COL19A1: variants seen among roughly 807,000 people sequenced by gnomAD.
COL19A1 encodes the protein collagen type XIX alpha 1 chain, also known as collagen alpha-1(XIX) chain.
A neutral mutation model predicts 190.2 loss-of-function variants in COL19A1; 159 were observed. That is an observed-to-expected ratio of 0.84 (90% CI 0.73 to 0.95). COL19A1 has a LOEUF of 0.95. Ranked by LOEUF, COL19A1 falls within the 40% of genes least tolerant of loss-of-function variation. COL19A1 has a pLI of 0.00. For synonymous variants in COL19A1, 509 were observed against 458.9 expected, an observed-to-expected ratio of 1.11 and a Z score of -1.39; for missense variants, 1,418 against 1,431.9, an observed-to-expected ratio of 0.99 and a Z score of 0.16.
intron 7 of COL19A1, among the ~76,000 whole-genome samples, chr6:69,935,337 G>A (rs1394865873): frequency 1.4e-5 from 2 of 147,086 alleles, no homozygotes; most frequent in African/African-American, 5.4e-5. Context: ...TGAAGCCTGA[G>A]ACATACTTTT....
At chr6:69,997,131 A>G (rs1171295875) in intron 11 of COL19A1, among the ~76,000 whole-genome samples, 3 of 151,976 alleles carry the variant, frequency 2.0e-5, no homozygotes, top group Non-Finnish European at 2.9e-5. Flanking sequence ...GGGGATATCA[A>G]ATAAGCCCAG....
intron 24 of COL19A1, 29 bp from the exon 25 acceptor site, chr6:70,144,887 CAA>C: frequency 7.1e-7 from 1 of 1,406,958 alleles, no homozygotes; most frequent in Non-Finnish European, 9.8e-7. Flanking sequence ...ACCTGAGCAT[CAA>C]AGTAAGAATC....
At chr6:70,109,223 C>T (rs1037847501) in intron 16 of COL19A1, among the ~76,000 whole-genome samples, 1 of 152,082 alleles carries the variant, frequency 6.6e-6, no homozygotes, top group Non-Finnish European at 1.5e-5. Context: ...AGATGTTCTT[C>T]TCATTACCAT....
At chr6:70,043,708 T>C (rs145263776) in intron 14 of COL19A1, among the ~76,000 whole-genome samples, 3 of 152,336 alleles carry the variant, frequency 2.0e-5, no homozygotes, top group African/African-American at 7.2e-5. Context: ...AGTGGGCTTC[T>C]TCAGTAAACC....
chr6:70,124,650 T>C (rs1156802943), intron 17 of COL19A1, among the ~76,000 whole-genome samples: 2 of 152,108 alleles, frequency 1.3e-5, no homozygotes, highest in Admixed American at 1.3e-4. Flanking sequence ...TTAACTCACC[T>C]AAAAGAACCC....
chr6:69,897,731 C>T (rs1372595267), intron 2 of COL19A1, among the ~76,000 whole-genome samples: 2 of 152,004 alleles, frequency 1.3e-5, no homozygotes, highest in African/African-American at 4.8e-5. Flanking sequence ...TACAAAATCT[C>T]TAATAATTTT....
At chr6:70,050,387 A>G (rs1229531894) in intron 14 of COL19A1, among the ~76,000 whole-genome samples, 1 of 152,048 alleles carries the variant, frequency 6.6e-6, no homozygotes, top group Non-Finnish European at 1.5e-5. Flanking sequence ...TCTTAAGAAA[A>G]CTATTAACTA....
Position 70,188,223 on chromosome 6 carries a change from C to T in COL19A1, c.3005C>T (p.Ser1002Phe). Residue 1002 changes from serine to phenylalanine, a missense_variant, in exon 47 of 51, where the codon TCT (serine) becomes TTT (phenylalanine). Transcript: ENST00000620364. ...GSPGHQGPPG[S>F]PGIPGIPADA... ...CCTGGCCACCAAGGCCCTCCAGGCT[C>T]TCCAGGCATCCCTGGCATTCCGGTA... 2 of 1,610,208 alleles carry T rather than the reference C, an allele frequency of 1.2e-6. No individual in the cohort carries two copies. The highest frequency in any genetic ancestry group is 1.7e-6 in the Non-Finnish European group (2 of 1,178,708).
intron 18 of COL19A1, 59 bp from the exon 19 acceptor site, chr6:70,137,626 A>G (rs1785949785): frequency 1.4e-6 from 2 of 1,466,360 alleles, no homozygotes; most frequent in African/African-American, 1.4e-5. Context: ...TGTATCTGAC[A>G]GTCACAATAA....
At chr6:70,073,977 CATT>C (rs1718017596) in intron 15 of COL19A1, among the ~76,000 whole-genome samples, 2 of 152,152 alleles carry the variant, frequency 1.3e-5, no homozygotes, top group Non-Finnish European at 2.9e-5. Flanking sequence ...ATATTGATCT[CATT>C]AGGTAAAAGG....
intron 11 of COL19A1, among the ~76,000 whole-genome samples, chr6:69,979,640 C>A (rs1472504462): frequency 6.6e-6 from 1 of 151,538 alleles, no homozygotes. Flanking sequence ...ATTAAGTAAC[C>A]TATGTAGCAC....
chr6:70,115,550 T>C (rs1397631821), intron 16 of COL19A1, among the ~76,000 whole-genome samples: 1 of 152,112 alleles, frequency 6.6e-6, no homozygotes, highest in African/African-American at 2.4e-5. Flanking sequence ...AAAATAAGAC[T>C]TTTGTTAGGA....
chr6:70,156,591 T>C, intron 33 of COL19A1, 79 bp from the exon 34 acceptor site: 1 of 1,475,622 alleles, frequency 6.8e-7, no homozygotes, highest in Non-Finnish European at 9.4e-7. Context: ...GCCCCAAGTG[T>C]TCTTAGAAGA....
intron 17 of COL19A1, among the ~76,000 whole-genome samples, 190 bp downstream of exon 17, chr6:70,122,132 C>T (rs919654416): frequency 1.3e-5 from 2 of 152,084 alleles, no homozygotes; most frequent in African/African-American, 4.8e-5. Flanking sequence ...CAGTATCTTA[C>T]AAATCTAGGG....
chr6:70,055,716 A>G (rs1480096981), intron 14 of COL19A1, among the ~76,000 whole-genome samples: 1 of 150,666 alleles, frequency 6.6e-6, no homozygotes, highest in Non-Finnish European at 1.5e-5. Context: ...TGGGAGGCAG[A>G]AGTTGCACTG....
chr6:69,904,110 C>T (rs1176270582), intron 4 of COL19A1, among the ~76,000 whole-genome samples: 1 of 152,144 alleles, frequency 6.6e-6, no homozygotes, highest in Non-Finnish European at 1.5e-5. Context: ...GCTAGAGAGC[C>T]AAAATCACTC....
intron 11 of COL19A1, among the ~76,000 whole-genome samples, 192 bp downstream of exon 11, chr6:69,963,062 T>C (rs1348274827): frequency 2.0e-5 from 3 of 152,220 alleles, no homozygotes; most frequent in Non-Finnish European, 2.9e-5. Flanking sequence ...TCAAAACTTA[T>C]TTGGATGGTA....
chr6:69,871,552 A>G (rs1767822027), intron 1 of COL19A1, among the ~76,000 whole-genome samples: 1 of 152,172 alleles, frequency 6.6e-6, no homozygotes, highest in African/African-American at 2.4e-5. Context: ...TATGTAAAGC[A>G]AATAAGTGTT....
intron 49 of COL19A1, among the ~76,000 whole-genome samples, chr6:70,204,346 A>G (rs1767734977): frequency 6.6e-6 from 1 of 152,350 alleles, no homozygotes. Flanking sequence ...TAAAAAAGAA[A>G]AAAAACCCTA....
Sources: allele counts gnomAD v4.1 joint callset (sites outside exome capture counted in the v4.1 genomes callset), GRCh38; gene constraint gnomAD v4.1.1; transcripts MANE v1.5; gene names NCBI Gene and HGNC (gene_info 2026-07-23, HGNC 2026-07-21).